The following MET variants were observed in gnomAD, a reference collection of about 807,000 sequenced individuals.
The protein encoded by MET is MET proto-oncogene, receptor tyrosine kinase.
A neutral mutation model predicts 133.1 loss-of-function variants in MET; 48 were observed. The observed-to-expected ratio is 0.36, with a 90% CI of 0.29 to 0.46. MET has a LOEUF of 0.46. Among genes scored for constraint, MET ranks in the 20% least tolerant of loss-of-function variants. MET has a pLI of 1.00. For missense variants in MET, 1,442 were observed against 1,695.9 expected (o/e 0.85, Z 2.63); for synonymous variants, 628 against 616.5 (o/e 1.02, Z -0.28).
intron 3 of MET, among the ~76,000 whole-genome samples, chr7:116,739,593 C>T (rs1244833624): frequency 6.6e-6 from 1 of 152,164 alleles, no homozygotes; most frequent in South Asian, 2.1e-4. Flanking sequence ...AAAAATAATC[C>T]AGATTCATTG....
intron 1 of MET, among the ~76,000 whole-genome samples, chr7:116,689,280 A>G (rs1030233666): frequency 1.3e-5 from 2 of 152,214 alleles, no homozygotes; most frequent in Admixed American, 6.5e-5. Flanking sequence ...AATGCTATGC[A>G]GTTTTGCAAT....
intron 3 of MET, among the ~76,000 whole-genome samples, chr7:116,739,523 A>G (rs150379044): frequency 8.8e-4 from 134 of 152,292 alleles, no homozygotes; most frequent in Non-Finnish European, 1.7e-3. Context: ...CGCGTCCACT[A>G]CTCTTAACCA....
rs749484691 is a variant in MET at position 116,757,470 on chromosome 7, G to A, written c.1896G>A (p.Lys632=). ...GCACAGTTGGTCCTGCCATGAATAA[G>A]CATTTCAATATGTCCATAATTATTT... The part of the protein sequence containing the change: ...LKCTVGPAMN[K]HFNMSIIISN... The change falls in exon 7 of 21, where the codon AAG becomes AAA. Residue 632 remains lysine (K), a synonymous_variant. Transcript: ENST00000397752. The A allele has an allele frequency of 8.1e-6, 13 of 1,613,592 alleles. No homozygotes were observed. Among genetic ancestry groups the A allele is most frequent in the Admixed American group, 5.0e-5 (3 of 59,968 alleles).
chr7:116,796,196 C>A lies in MET; in HGVS notation c.*72C>A. ...TTTTCACTGCCTGACCTTTAAAAGG[C>A]CATCGATATTCTTTGCTCTTGCCAA... is the stretch of plus-strand genomic sequence containing the variant. On this transcript the variant is annotated 3_prime_UTR_variant, in exon 21 of 21. Coordinates refer to ENST00000397752, the MANE Select transcript of MET (RefSeq NM_000245.4). 7.2e-7 allele frequency: 1 copy of A among 1,397,650 alleles called. No individual in the cohort carries two copies. Among genetic ancestry groups the A allele is most frequent in the Non-Finnish European group, 1.0e-6 (1 of 989,636 alleles). 86.6% of individuals were successfully genotyped at this position (1,397,650 alleles called of 1,614,324 possible). A position where few individuals can be genotyped will look rare whatever the true frequency, so the allele number is the denominator to read the frequency against.
At chr7:116,720,212 G>T (rs1792425402) in intron 2 of MET, among the ~76,000 whole-genome samples, 1 of 147,166 alleles carries the variant, frequency 6.8e-6, no homozygotes, top group Non-Finnish European at 1.5e-5. Context: ...TCCCTTGTAA[G>T]TTGGATTCCT....
At chr7:116,794,546 T>C (rs1795612713) in intron 19 of MET, among the ~76,000 whole-genome samples, 1 of 152,260 alleles carries the variant, frequency 6.6e-6, no homozygotes, top group Admixed American at 6.5e-5. Flanking sequence ...CCTCATTTCT[T>C]TCTTTCAGTC....
chr7:116,740,177 TTCA>T, intron 4 of MET, 93 bp downstream of exon 4: 2 of 1,435,626 alleles, frequency 1.4e-6, no homozygotes, highest in East Asian at 2.3e-5. Flanking sequence ...AATGTCTCTC[TTCA>T]TCTTAAATTT....
chr7:116,725,753 T>C (rs887838194), intron 2 of MET, among the ~76,000 whole-genome samples: 2 of 151,120 alleles, frequency 1.3e-5, no homozygotes, highest in Non-Finnish European at 2.9e-5. Context: ...GATATAAATA[T>C]GTCTTTATAA....
chr7:116,693,440 G>C (rs1308865312), intron 1 of MET, among the ~76,000 whole-genome samples: 3 of 152,164 alleles, frequency 2.0e-5, no homozygotes. Context: ...CACACAGCTG[G>C]TTCAGCATTA....
chr7:116,716,332 AGAG>A (rs1792203418), intron 2 of MET, among the ~76,000 whole-genome samples: 1 of 136,984 alleles, frequency 7.3e-6, no homozygotes, highest in Non-Finnish European at 1.6e-5. Context: ...AGAGAGAGAG[AGAG>A]AGAAAAGAAA....
chr7:116,727,481 C>T (rs965123564), intron 2 of MET, among the ~76,000 whole-genome samples: 2 of 150,426 alleles, frequency 1.3e-5, no homozygotes. Flanking sequence ...TCCTCCCTCC[C>T]TTCCTTCCTT....
In MET at chr7:116,731,685, A is replaced by T. The variant is rs1358705636; in HGVS notation, c.1218A>T (p.Ser406=). Residue 406 remains serine (S), a synonymous_variant, in exon 3 of 21, where the codon TCA becomes TCT. Coordinates refer to ENST00000397752, the MANE Select transcript of MET (RefSeq NM_000245.4). The part of the protein sequence containing the change: ...HCFNRTLLRN[S]SGCEARRDEY... ...TATTCCAGACACTTCTGAGAAATTC[A>T]TCAGGCTGTGAAGCGCGCCGTGATG... 2.5e-6 allele frequency: 4 copies of T among 1,614,018 alleles called. No homozygotes were observed. The highest frequency in any genetic ancestry group is 1.1e-5 in the South Asian group (1 of 91,088).
intron 1 of MET, among the ~76,000 whole-genome samples, chr7:116,692,882 C>T (rs1485525072): frequency 1.3e-5 from 2 of 152,180 alleles, no homozygotes; most frequent in Non-Finnish European, 1.5e-5. Context: ...ATCATCTTTA[C>T]GTGTTCCTTT....
chr7:116,698,792 CTT>C (rs963547880), intron 1 of MET, among the ~76,000 whole-genome samples: 11 of 152,174 alleles, frequency 7.2e-5, no homozygotes, highest in Non-Finnish European at 1.5e-4. Flanking sequence ...ATGAGTCTAA[CTT>C]AGTTACTGTA....
At chr7:116,740,236 T>A in intron 4 of MET, 152 bp downstream of exon 4, 1 of 863,282 alleles carries the variant, frequency 1.2e-6, no homozygotes, top group Non-Finnish European at 1.9e-6. Context: ...AGAGATCTTC[T>A]GAAATCTAGT....
At position 116,699,801 on chromosome 7, in the gene MET, T is replaced by G; in HGVS notation, c.717T>G (p.Pro239=). The change falls in exon 2 of 21, where the codon CCT becomes CCG. Residue 239 remains proline (P), a synonymous_variant. Coordinates refer to ENST00000397752, the MANE Select transcript of MET (RefSeq NM_000245.4). ...ACCAGTCCTACATTGATGTTTTACC[T>G]GAGTTCAGAGATTCTTACCCCATTA... The part of the protein sequence containing the change: ...LTDQSYIDVL[P]EFRDSYPIKY... 1 of 1,614,128 alleles carries G rather than the reference T, an allele frequency of 6.2e-7. No individual in the cohort carries two copies. Among genetic ancestry groups the G allele is most frequent in the East Asian group, 2.2e-5 (1 of 44,882 alleles).
intron 1 of MET, among the ~76,000 whole-genome samples, chr7:116,683,137 G>A (rs567358450): frequency 2.2e-4 from 33 of 152,168 alleles, no homozygotes; most frequent in African/African-American, 6.5e-4. Context: ...AGGTAAACTC[G>A]TGCCACAGGG....
chr7:116,714,905 A>G (rs781381710), intron 2 of MET, among the ~76,000 whole-genome samples: 1 of 152,182 alleles, frequency 6.6e-6, no homozygotes, highest in Non-Finnish European at 1.5e-5. Flanking sequence ...CAGGTCCACA[A>G]ATTTTGGAGA....
intron 19 of MET, among the ~76,000 whole-genome samples, chr7:116,790,112 T>C (rs1403901306): frequency 6.6e-6 from 1 of 152,236 alleles, no homozygotes; most frequent in Non-Finnish European, 1.5e-5. Flanking sequence ...TTCATCCATG[T>C]CCCTGCAAAA....
Sources: gnomAD v4.1 joint callset for allele counts (sites outside exome capture counted in the v4.1 genomes callset) on GRCh38, gnomAD v4.1.1 for gene constraint, MANE v1.5 for transcripts, NCBI Gene and HGNC (gene_info 2026-07-23, HGNC 2026-07-21) for gene names.